SCN9A: variants seen among roughly 807,000 people sequenced by gnomAD.
SCN9A encodes the protein sodium channel protein type 9 subunit alpha.
A neutral mutation model predicts 187.0 loss-of-function variants in SCN9A; 131 were observed. That is an observed-to-expected ratio of 0.70 (90% CI 0.61 to 0.81). The LOEUF is 0.81. SCN9A is among the 30% of genes least tolerant of loss of function. The pLI is 0.00. For missense variants in SCN9A, 2,252 were observed against 2,396.6 expected (o/e 0.94, Z 1.26); for synonymous variants, 809 against 808.6 (o/e 1.00, Z -0.01).
chr2:166,258,669 A>G lies in SCN9A; in HGVS notation c.3352-6784T>C, dbSNP rs73019691. ...CTTTCTAGATGTGTACTAAGAAAGC[A>G]TGAGTCTCAATTTGCTTATCCATAA... On this transcript the variant is annotated intron_variant, in intron 17 of 26. Transcript: ENST00000642356. Among the ~76,000 whole-genome samples, 1,478 of 151,780 alleles carry G rather than the reference A, an allele frequency of 9.7e-3. 27 individuals carry two copies. The highest frequency in any genetic ancestry group is 0.033 in the African/African-American group (1,372 of 41,508).
intron 24 of SCN9A, among the ~76,000 whole-genome samples, chr2:166,218,946 C>T (rs995528553): frequency 1.4e-4 from 22 of 152,172 alleles, no homozygotes; most frequent in South Asian, 4.1e-4. Context: ...ACACATGCAA[C>T]AAACAAGCAT....
At chr2:166,252,960 CTTA>C (rs1696110900) in intron 17 of SCN9A, among the ~76,000 whole-genome samples, 1 of 151,876 alleles carries the variant, frequency 6.6e-6, no homozygotes, top group African/African-American at 2.4e-5. Flanking sequence ...ACACAATTCT[CTTA>C]TTAAGTTACA....
At position 166,368,981 on chromosome 2, in the gene SCN9A, C is replaced by T. The variant is rs540688834; in HGVS notation, c.-51+6716G>A. ...CAGCCTGGGCAACAAGAGTGAAACTCGGTCTCAAAAAAAAAAAAAAGAATG... is the reference window on the plus strand; with the variant it reads ...CAGCCTGGGCAACAAGAGTGAAACTTGGTCTCAAAAAAAAAAAAAAGAATG... On this transcript the variant is annotated intron_variant, in intron 1 of 26. Coordinates refer to ENST00000642356, the MANE Select transcript of SCN9A (RefSeq NM_001365536.1). Among the ~76,000 whole-genome samples, 15 of 147,256 alleles carry T rather than the reference C, an allele frequency of 1.0e-4. No individual in the cohort carries two copies. In the South Asian group the frequency reaches 1.7e-3, roughly 17 times the overall value.
At chr2:166,347,448 A>G (rs962100127) in intron 1 of SCN9A, among the ~76,000 whole-genome samples, 1 of 152,128 alleles carries the variant, frequency 6.6e-6, no homozygotes, top group Non-Finnish European at 1.5e-5. Flanking sequence ...TCATGCAGAA[A>G]ATCACCCTGG....
At chr2:166,347,991 G>A (rs1344679014) in intron 1 of SCN9A, among the ~76,000 whole-genome samples, 2 of 152,112 alleles carry the variant, frequency 1.3e-5, no homozygotes, top group Non-Finnish European at 2.9e-5. Flanking sequence ...GACCTACATA[G>A]GAAATTGGCA....
intron 9 of SCN9A, among the ~76,000 whole-genome samples, chr2:166,291,459 T>C (rs1698067068): frequency 6.6e-6 from 1 of 152,142 alleles, no homozygotes; most frequent in African/African-American, 2.4e-5. Flanking sequence ...TCCATACTCA[T>C]GGATAGGAAG....
chr2:166,308,172 T>A (rs1200999943), intron 2 of SCN9A, among the ~76,000 whole-genome samples: 1 of 152,236 alleles, frequency 6.6e-6, no homozygotes, highest in East Asian at 1.9e-4. Context: ...GAAAATTATT[T>A]TAAAATTAAT....
At chr2:166,252,784 C>T (rs909542307) in intron 17 of SCN9A, among the ~76,000 whole-genome samples, 10 of 151,742 alleles carry the variant, frequency 6.6e-5, no homozygotes, top group African/African-American at 1.9e-4. Context: ...CACACACACA[C>T]GAAGAAATCT....
chr2:166,288,683 T>A (rs775832942), intron 9 of SCN9A, 40 bp from the exon 10 acceptor site: 1 of 1,462,010 alleles, frequency 6.8e-7, no homozygotes, highest in Non-Finnish European at 9.2e-7. Flanking sequence ...CAATAAAAAG[T>A]TTTTTTAGTA....
In SCN9A at chr2:166,279,374, C is replaced by T. The variant is rs987261863; in HGVS notation, c.2343+983G>A. 5.9e-5 allele frequency among the ~76,000 whole-genome samples: 9 copies of T among 152,228 alleles called. No individual in the cohort carries two copies. In the South Asian group the frequency reaches 1.7e-3, roughly 28 times the overall value. ...TCTTATATAGACATTGACAAAGATACCCAAAGTTATTCATGGTTTATGAAG... is the reference window on the plus strand; with the variant it reads ...TCTTATATAGACATTGACAAAGATATCCAAAGTTATTCATGGTTTATGAAG... On this transcript the variant is annotated intron_variant, in intron 14 of 26. Coordinates refer to ENST00000642356, the MANE Select transcript of SCN9A (RefSeq NM_001365536.1).
At chr2:166,367,399 A>G (rs1700443231) in intron 1 of SCN9A, among the ~76,000 whole-genome samples, 1 of 151,974 alleles carries the variant, frequency 6.6e-6, no homozygotes, top group African/African-American at 2.4e-5. Flanking sequence ...AGAAGCTGGG[A>G]CTACAGGTGC....
intron 1 of SCN9A, among the ~76,000 whole-genome samples, chr2:166,334,455 C>A (rs576089157): frequency 6.6e-6 from 1 of 152,004 alleles, no homozygotes; most frequent in Non-Finnish European, 1.5e-5. Flanking sequence ...AAATATCCAC[C>A]AATTTATATT....
intron 1 of SCN9A, among the ~76,000 whole-genome samples, chr2:166,368,567 A>G (rs1220703087): frequency 6.6e-6 from 1 of 151,680 alleles, no homozygotes; most frequent in Non-Finnish European, 1.5e-5. Context: ...TGGGAGGCAG[A>G]GGTTGCAGCG....
intron 1 of SCN9A, among the ~76,000 whole-genome samples, chr2:166,327,175 C>T (rs1215644753): frequency 1.3e-5 from 2 of 152,104 alleles, no homozygotes; most frequent in African/African-American, 2.4e-5. Context: ...TTCTTATAAA[C>T]ACAAGGTCTC....
chr2:166,351,307 G>A (rs1700027919), intron 1 of SCN9A, among the ~76,000 whole-genome samples: 1 of 152,154 alleles, frequency 6.6e-6, no homozygotes, highest in African/African-American at 2.4e-5. Flanking sequence ...ATAAAATTAT[G>A]AACTGCATAC....
At chr2:166,271,700 T>A (rs1015922458) in intron 17 of SCN9A, among the ~76,000 whole-genome samples, 2 of 151,798 alleles carry the variant, frequency 1.3e-5, no homozygotes, top group South Asian at 2.1e-4. Context: ...ACAAACTTTT[T>A]TAAAAAAATT....
At chr2:166,370,974 C>T (rs1366363883) in intron 1 of SCN9A, among the ~76,000 whole-genome samples, 1 of 152,042 alleles carries the variant, frequency 6.6e-6, no homozygotes, top group African/African-American at 2.4e-5. Flanking sequence ...TGTAAAAAAT[C>T]CAAGGAGACA....
chr2:166,261,298 A>G (rs1696492567), intron 17 of SCN9A, among the ~76,000 whole-genome samples: 1 of 151,938 alleles, frequency 6.6e-6, no homozygotes, highest in African/African-American at 2.4e-5. Context: ...TGCCTCAGCC[A>G]GGCTACCTTG....
chr2:166,295,922 T>G (rs1366107659), intron 7 of SCN9A: 1 of 152,216 alleles, frequency 6.6e-6, no homozygotes, highest in East Asian at 1.9e-4. Flanking sequence ...TGGGGGCAGA[T>G]CTATCCTTGT....
Sources: gnomAD v4.1 joint callset for allele counts (sites outside exome capture counted in the v4.1 genomes callset) on GRCh38, gnomAD v4.1.1 for gene constraint, MANE v1.5 for transcripts, NCBI Gene and HGNC (gene_info 2026-07-23, HGNC 2026-07-21) for gene names.